LOC128462377: variants seen among roughly 807,000 people sequenced by gnomAD.
the LOC128462377 span, among the ~76,000 whole-genome samples, chr16:89,388,701 G>A: frequency 1.1e-4 from 17 of 152,138 alleles, no homozygotes; most frequent in African/African-American, 3.9e-4. Flanking sequence ...CGGACAGGAC[G>A]TCATCCACAC....
chr16:89,330,512 G>A, the LOC128462377 span, among the ~76,000 whole-genome samples: 3 of 152,092 alleles, frequency 2.0e-5, no homozygotes, highest in African/African-American at 4.8e-5. Flanking sequence ...GAGGGTCCCC[G>A]TGACGTGGCA....
At chr16:89,336,035 T>C in the LOC128462377 span, among the ~76,000 whole-genome samples, 1 of 152,208 alleles carries the variant, frequency 6.6e-6, no homozygotes, top group African/African-American at 2.4e-5. Flanking sequence ...ATGGCCAACA[T>C]CACAGGAAAC....
the LOC128462377 span, among the ~76,000 whole-genome samples, chr16:89,339,350 C>T: frequency 3.6e-3 from 543 of 151,988 alleles, 2 homozygotes; most frequent in South Asian, 0.017. Context: ...TGAAGGCTTA[C>T]ACTAGCAAAC....
chr16:89,356,772 C>T, the LOC128462377 span, among the ~76,000 whole-genome samples: 4 of 132,104 alleles, frequency 3.0e-5, no homozygotes, highest in African/African-American at 5.8e-5. Flanking sequence ...CACAGCAAGA[C>T]TCCGTCTCAA....
the LOC128462377 span, among the ~76,000 whole-genome samples, chr16:89,353,827 C>T: frequency 6.6e-6 from 1 of 152,166 alleles, no homozygotes; most frequent in African/African-American, 2.4e-5. Flanking sequence ...TCAACAGCCA[C>T]TATGGGAACA....
the LOC128462377 span, among the ~76,000 whole-genome samples, chr16:89,337,341 T>A: frequency 1.3e-5 from 2 of 150,942 alleles, no homozygotes; most frequent in African/African-American, 4.9e-5. Context: ...AGCTGAGCAC[T>A]GGGTCTCATT....
the LOC128462377 span, among the ~76,000 whole-genome samples, chr16:89,351,877 G>T: frequency 2.6e-5 from 4 of 152,194 alleles, no homozygotes; most frequent in Non-Finnish European, 5.9e-5. Flanking sequence ...CTTTATCTGG[G>T]TAAGCCTACG....
At chr16:89,410,605 A>C in the LOC128462377 span, among the ~76,000 whole-genome samples, 2 of 152,214 alleles carry the variant, frequency 1.3e-5, no homozygotes, top group African/African-American at 2.4e-5. Context: ...AGGTCCCTAA[A>C]GCAGTTGCTA....
At chr16:89,334,745 C>T in the LOC128462377 span, among the ~76,000 whole-genome samples, 4 of 152,160 alleles carry the variant, frequency 2.6e-5, no homozygotes, top group African/African-American at 9.7e-5. Context: ...ACCACACTCA[C>T]TTGTGCAAAA....
the LOC128462377 span, among the ~76,000 whole-genome samples, chr16:89,352,544 C>G: frequency 6.6e-6 from 1 of 152,202 alleles, no homozygotes; most frequent in African/African-American, 2.4e-5. Context: ...GCCCTGCCCC[C>G]AAGAGTGAGG....
chr16:89,326,686 G>C, the LOC128462377 span, among the ~76,000 whole-genome samples: 1 of 152,138 alleles, frequency 6.6e-6, no homozygotes, highest in African/African-American at 2.4e-5. Flanking sequence ...AGGCTGCAGT[G>C]AGCTAAGATT....
the LOC128462377 span, among the ~76,000 whole-genome samples, chr16:89,407,668 TACACACAC>T: frequency 6.6e-6 from 1 of 150,704 alleles, no homozygotes; most frequent in Non-Finnish European, 1.5e-5. Context: ...CAAACACACA[TACACACAC>T]ACACACACAT....
chr16:89,396,125 G>C, the LOC128462377 span: 789 of 152,336 alleles, frequency 5.2e-3, 5 homozygotes, highest in African/African-American at 0.018. Flanking sequence ...TGTTGTCAAT[G>C]TGAAAATTCA....
the LOC128462377 span, among the ~76,000 whole-genome samples, chr16:89,397,905 GCAGGTGCCT>G: frequency 6.6e-6 from 1 of 152,250 alleles, no homozygotes; most frequent in Non-Finnish European, 1.5e-5. Flanking sequence ...CCTGGTCAAA[GCAGGTGCCT>G]CGGGTGGCAA....
chr16:89,388,583 T>C, the LOC128462377 span, among the ~76,000 whole-genome samples: 3,090 of 152,098 alleles, frequency 0.02, 43 homozygotes, highest in Middle Eastern at 0.034. Context: ...TGTCTCTGAC[T>C]GGGAATAAGG....
At chr16:89,410,359 A>C in the LOC128462377 span, among the ~76,000 whole-genome samples, 5 of 152,192 alleles carry the variant, frequency 3.3e-5, no homozygotes, top group African/African-American at 1.2e-4. Context: ...AGCAAGAATA[A>C]ATTTTAAACA....
the LOC128462377 span, among the ~76,000 whole-genome samples, chr16:89,394,606 C>A: frequency 6.7e-6 from 1 of 148,816 alleles, no homozygotes. Flanking sequence ...CCAGCCTGGG[C>A]GACAAAAGCA....
chr16:89,333,327 G>T, the LOC128462377 span, among the ~76,000 whole-genome samples: 1 of 152,218 alleles, frequency 6.6e-6, no homozygotes, highest in Admixed American at 6.5e-5. Context: ...GCATCCCCAC[G>T]AGAGTGGCCG....
the LOC128462377 span, among the ~76,000 whole-genome samples, chr16:89,368,371 GTTTTTTTTTTTT>G: frequency 6.5e-4 from 37 of 56,596 alleles, no homozygotes; most frequent in African/African-American, 1.1e-3. Flanking sequence ...TAATTTTTGT[GTTTTTTTTTTTT>G]TTTTTTTTTT....
Sources: allele counts gnomAD v4.1 joint callset (sites outside exome capture counted in the v4.1 genomes callset), GRCh38; gene constraint gnomAD v4.1.1; transcripts MANE v1.5.